Variants in SLC30A9 observed in about 807,000 individuals in gnomAD.
The protein encoded by SLC30A9 is proton-coupled zinc antiporter SLC30A9, mitochondrial.
A neutral mutation model predicts 87.5 loss-of-function variants in SLC30A9; 58 were observed. That is an observed-to-expected ratio of 0.66 (90% confidence interval 0.54 to 0.82). The LOEUF (loss-of-function observed/expected upper bound fraction) is 0.82, where lower values mean the gene tolerates loss of function less well. Ranked by LOEUF, SLC30A9 falls within the 40% of genes least tolerant of loss-of-function variation. The pLI is 0.00. For missense variants in SLC30A9, 557 were observed against 679.1 expected (o/e 0.82, Z 2.00); for synonymous variants, 234 against 233.0 (o/e 1.00, Z -0.04).
chr4:42,076,778 A>G (rs192190005), intron 16 of SLC30A9, among the ~76,000 whole-genome samples: 2 of 152,112 alleles, frequency 1.3e-5, no homozygotes, highest in Admixed American at 1.3e-4. Context: ...CCTGGCCCAC[A>G]TGGTGAAAAC....
At chr4:42,022,092 C>T (rs1186906575) in intron 4 of SLC30A9, among the ~76,000 whole-genome samples, 1 of 74,540 alleles carries the variant, frequency 1.3e-5, no homozygotes. Flanking sequence ...CCCGCCACCA[C>T]GCCCGGCTAA....
At chr4:42,076,916 C>A (rs965292008) in intron 16 of SLC30A9, among the ~76,000 whole-genome samples, 5 of 148,992 alleles carry the variant, frequency 3.4e-5, no homozygotes, top group African/African-American at 1.2e-4. Flanking sequence ...GAGCCTAGAT[C>A]GTGCCACTGC....
chr4:42,066,558 C>CT lies in SLC30A9; in HGVS notation c.1083dup (p.Val362CysfsTer5), dbSNP rs775516292. ...GAATGCTTTTCTTTTAGCAACACTT[C>CT]TTGTTGCTGTAAATGAACTTCGTAG... On this transcript the variant is annotated frameshift_variant, in exon 13 of 18. Coordinates refer to ENST00000264451, the MANE Select transcript of SLC30A9 (RefSeq NM_006345.4). LOFTEE classifies it high-confidence loss of function. The CT allele has an allele frequency of 1.4e-5, 22 of 1,600,098 alleles. No homozygotes were observed. The highest frequency in any genetic ancestry group is 1.8e-5 in the Non-Finnish European group (21 of 1,170,902).
chr4:42,082,841 C>G (rs1475029504), intron 17 of SLC30A9, among the ~76,000 whole-genome samples: 1 of 147,332 alleles, frequency 6.8e-6, no homozygotes, highest in Non-Finnish European at 1.5e-5. Context: ...GAGCAAGACT[C>G]CATCTCAAAA....
At chr4:42,016,606 G>A (rs555998179) in intron 2 of SLC30A9, among the ~76,000 whole-genome samples, 16 of 152,224 alleles carry the variant, frequency 1.1e-4, no homozygotes, top group African/African-American at 3.6e-4. Context: ...TGATTGGTGT[G>A]TGTGTCTGGT....
intron 14 of SLC30A9, among the ~76,000 whole-genome samples, chr4:42,069,438 C>T (rs1718217599): frequency 6.6e-6 from 1 of 152,092 alleles, no homozygotes; most frequent in East Asian, 1.9e-4. Context: ...AATAACTCTT[C>T]ACATTTGGAT....
intron 8 of SLC30A9, among the ~76,000 whole-genome samples, chr4:42,040,155 G>A (rs1036940288): frequency 1.3e-5 from 2 of 152,162 alleles, no homozygotes; most frequent in Admixed American, 6.5e-5. Flanking sequence ...GGAGAGTACT[G>A]GAAGGAGGAG....
chr4:42,088,916 T>A lies in SLC30A9; in HGVS notation c.*2790T>A, dbSNP rs1241727046. ...TATGATCATGCCACTCCAGCCTGAA[T>A]GACAGAGTGAGATCCTGTCTCAAAA... On this transcript the variant is annotated 3_prime_UTR_variant, in exon 18 of 18. Transcript: ENST00000264451. 3 of 152,212 alleles carry A rather than the reference T, an allele frequency of 2.0e-5. No individual in the cohort carries two copies. Among genetic ancestry groups the A allele is most frequent in the Non-Finnish European group, 4.4e-5 (3 of 68,036 alleles). 9.4% of individuals were successfully genotyped at this position (152,212 alleles called of 1,614,324 possible).
At chr4:42,023,078 A>G in intron 5 of SLC30A9, 148 bp downstream of exon 5, 1 of 584,128 alleles carries the variant, frequency 1.7e-6, no homozygotes, top group East Asian at 2.8e-5. Context: ...AGTTACTAAT[A>G]TGTACTCCTT....
At chr4:42,028,407 C>T (rs952071376) in intron 6 of SLC30A9, among the ~76,000 whole-genome samples, 19 of 152,244 alleles carry the variant, frequency 1.2e-4, no homozygotes, top group African/African-American at 4.3e-4. Context: ...GCATGAGCCA[C>T]TGCGCCCAGC....
At chr4:42,082,165 C>T (rs1718762629) in intron 17 of SLC30A9, among the ~76,000 whole-genome samples, 1 of 150,968 alleles carries the variant, frequency 6.6e-6, no homozygotes, top group African/African-American at 2.4e-5. Flanking sequence ...TGCAGTGAGC[C>T]GAGTTCGAGC....
intron 16 of SLC30A9, among the ~76,000 whole-genome samples, chr4:42,077,050 T>C: frequency 6.6e-6 from 1 of 152,016 alleles, no homozygotes; most frequent in Non-Finnish European, 1.5e-5. Context: ...TTTAGTATGG[T>C]GTATATATAG....
chr4:42,032,918 A>G lies in SLC30A9; in HGVS notation c.611-2357A>G, dbSNP rs73810495. On this transcript the variant is annotated intron_variant, in intron 6 of 17. Transcript: ENST00000264451. ...AAAATAAAATCAAGTTAAAGTAATTACATACTTGATTTATTCTATGTCTCT... is the reference window on the plus strand; with the variant it reads ...AAAATAAAATCAAGTTAAAGTAATTGCATACTTGATTTATTCTATGTCTCT... Among the ~76,000 whole-genome samples the G allele has an allele frequency of 9.6e-3, 1,469 of 152,314 alleles. 26 individuals are homozygous for G. The highest frequency in any genetic ancestry group is 0.034 in the African/African-American group (1,411 of 41,562).
In SLC30A9 at chr4:42,035,139, A is replaced by G. The variant is rs752346807; in HGVS notation, c.611-136A>G. On this transcript the variant is annotated intron_variant, in intron 6 of 17. Coordinates refer to ENST00000264451, the MANE Select transcript of SLC30A9 (RefSeq NM_006345.4). ...ATTTTTTAATCAGTTTACAAATCCA[A>G]ATTTTTTATAACTTAATATTTTTGC... is the stretch of plus-strand genomic sequence containing the variant. 6.1e-5 allele frequency: 50 copies of G among 823,262 alleles called. 1 individual carries two copies. The highest frequency in any genetic ancestry group is 7.3e-6 in the Non-Finnish European group (4 of 546,114). The allele number at this position is 823,262 out of a possible 1,614,324, so 51.0% of individuals were successfully genotyped here.
intron 1 of SLC30A9, among the ~76,000 whole-genome samples, chr4:41,994,182 G>A (rs1714589671): frequency 6.6e-6 from 1 of 151,604 alleles, no homozygotes; most frequent in Admixed American, 6.6e-5. Flanking sequence ...TTATAATTTA[G>A]AAGAATAGTG....
chr4:42,044,607 A>G (rs553824550), intron 8 of SLC30A9, among the ~76,000 whole-genome samples: 1 of 152,334 alleles, frequency 6.6e-6, no homozygotes, highest in South Asian at 2.1e-4. Context: ...ACTCCCACAC[A>G]GGAATAGTGG....
At chr4:42,018,686 T>C (rs1445922477) in intron 3 of SLC30A9, among the ~76,000 whole-genome samples, 3 of 152,182 alleles carry the variant, frequency 2.0e-5, no homozygotes, top group African/African-American at 7.2e-5. Flanking sequence ...CTGGATTAAA[T>C]TTGTGGCTCC....
intron 7 of SLC30A9, among the ~76,000 whole-genome samples, chr4:42,038,264 C>T (rs1189599651): frequency 6.6e-6 from 1 of 151,966 alleles, no homozygotes. Flanking sequence ...TGGTTTGGGC[C>T]GAGTGAATCT....
chr4:41,990,555 C>T lies in SLC30A9; in HGVS notation c.-97C>T, dbSNP rs1473050141. 4.5e-6 allele frequency: 3 copies of T among 668,230 alleles called. No individual in the cohort carries two copies. Among genetic ancestry groups the T allele is most frequent in the Admixed American group, 3.3e-5 (1 of 30,572 alleles). The allele number at this position is 668,230 out of a possible 1,614,324, so 41.4% of individuals were successfully genotyped here. A position where few individuals can be genotyped will look rare whatever the true frequency, so the allele number is the denominator to read the frequency against. On this transcript the variant is annotated 5_prime_UTR_variant, in exon 1 of 18. Transcript: ENST00000264451. ...AGGCAGCTTGTGGCGGCGAAGCCAT[C>T]GGTGTTCGCTGATGTCCAGTCTATG...
Sources: gnomAD v4.1 joint callset for allele counts (sites outside exome capture counted in the v4.1 genomes callset) on GRCh38, gnomAD v4.1.1 for gene constraint, MANE v1.5 for transcripts, NCBI Gene and HGNC (gene_info 2026-07-23, HGNC 2026-07-21) for gene names.